NRDE2: variants seen among roughly 807,000 people sequenced by gnomAD.
NRDE2 encodes the protein NRDE-2, necessary for RNA interference, domain containing.
NRDE2 carries 76 observed loss-of-function variants against 124.2 expected under a neutral mutation model. That is an observed-to-expected ratio of 0.61 (90% confidence interval 0.51 to 0.74). NRDE2 has a LOEUF of 0.74. Among genes scored for constraint, NRDE2 ranks in the 30% least tolerant of loss-of-function variants. The pLI, the probability that NRDE2 is intolerant of heterozygous loss-of-function variation, is 0.00. For synonymous variants in NRDE2, 489 were observed against 528.1 expected, an observed-to-expected ratio of 0.93 and a Z score of 1.01; for missense variants, 1,314 against 1,417.3, an observed-to-expected ratio of 0.93 and a Z score of 1.17.
At chr14:90,304,841 G>A (rs1884541757) in intron 4 of NRDE2, among the ~76,000 whole-genome samples, 1 of 152,070 alleles carries the variant, frequency 6.6e-6, no homozygotes, top group Non-Finnish European at 1.5e-5. Flanking sequence ...ATTTTCCTGT[G>A]TCCCTACTTA....
rs202061300 is a variant in NRDE2, at chr14:90,313,769, A to G, written c.408-1226T>C. Reference sequence around the variant, plus strand: ...CAGCTCTGCCCAGGTACAAATAAAGATTTTGGAGGCTTCTTAATTATTCTT... The same window carrying G: ...CAGCTCTGCCCAGGTACAAATAAAGGTTTTGGAGGCTTCTTAATTATTCTT... On this transcript the variant is annotated intron_variant, in intron 3 of 13. Coordinates refer to ENST00000354366, the MANE Select transcript of NRDE2 (RefSeq NM_017970.4). Among the ~76,000 whole-genome samples, 11 of 151,594 alleles carry G rather than the reference A, an allele frequency of 7.3e-5. No homozygotes were observed. In the East Asian group the frequency reaches 2.1e-3, roughly 29 times the overall value.
intron 3 of NRDE2, 146 bp from the exon 4 acceptor site, chr14:90,312,689 C>T: frequency 1.3e-6 from 1 of 750,986 alleles, no homozygotes; most frequent in Non-Finnish European, 2.2e-6. Context: ...TGTACATGTG[C>T]CACAGAGATG....
chr14:90,331,938 G>A lies in NRDE2; in HGVS notation c.-34C>T, dbSNP rs751197886. 3.7e-6 allele frequency: 6 copies of A among 1,612,470 alleles called. No individual in the cohort carries two copies. Among genetic ancestry groups the A allele is most frequent in the African/African-American group, 2.7e-5 (2 of 74,886 alleles). ...GCCGTACCTCCGTTCTTCTCTATAG[G>A]GATGGCGCCGGCGAGCGAGCGCCGG... On this transcript the variant is annotated 5_prime_UTR_variant, in exon 1 of 14. Coordinates refer to ENST00000354366, the MANE Select transcript of NRDE2 (RefSeq NM_017970.4).
chr14:90,280,099 T>A (rs1891911847), intron 12 of NRDE2: 1 of 152,348 alleles, frequency 6.6e-6, no homozygotes, highest in African/African-American at 2.4e-5. Context: ...CACTCCCTTT[T>A]CTATTTGTTT....
chr14:90,287,791 T>C (rs926293475), intron 11 of NRDE2, among the ~76,000 whole-genome samples: 1 of 152,080 alleles, frequency 6.6e-6, no homozygotes, highest in Non-Finnish European at 1.5e-5. Flanking sequence ...TCATTCCCAT[T>C]TGACAGAGAG....
intron 1 of NRDE2, among the ~76,000 whole-genome samples, chr14:90,326,677 T>C (rs920616012): frequency 6.6e-6 from 1 of 152,000 alleles, no homozygotes; most frequent in South Asian, 2.1e-4. Context: ...TGGTTTACAA[T>C]CTCAACGTTA....
In NRDE2 at chr14:90,286,355, A is replaced by G; in HGVS notation, c.3296T>C (p.Leu1099Pro). The change falls in exon 12 of 14, where the codon CTG (leucine) becomes CCG (proline). Residue 1099 changes from leucine to proline, a missense_variant and splice_region_variant. Physicochemically the swap from Leu to Pro is moderately conservative, Grantham distance 98 (BLOSUM62 -3). Transcript: ENST00000354366. ...CAAAACATCTCAATATTTTCTTACCAGAAAGTTCAAATACATCCTCCACAG... is the reference window on the plus strand; with the variant it reads ...CAAAACATCTCAATATTTTCTTACCGGAAAGTTCAAATACATCCTCCACAG... Reference protein sequence around the residue: ...PLLWRMYLNFLVSLGNKERSK... With the variant: ...PLLWRMYLNFPVSLGNKERSK... 6.2e-7 allele frequency: 1 copy of G among 1,612,430 alleles called. No homozygotes were observed. Among genetic ancestry groups the G allele is most frequent in the East Asian group, 2.2e-5 (1 of 44,820 alleles).
At position 90,270,788 on chromosome 14, in the gene NRDE2, T is replaced by C. The variant is rs908727674; in HGVS notation, c.*7548A>G. The stretch of plus-strand genomic sequence containing the variant: ...TTATACTTCTTGGTTTTATGACAAA[T>C]GTACATGAGTTAGGACATTTCCTCC... On this transcript the variant is annotated 3_prime_UTR_variant, in exon 14 of 14. Coordinates refer to ENST00000354366, the MANE Select transcript of NRDE2 (RefSeq NM_017970.4). 6.5e-6 allele frequency: 1 copy of C among 153,608 alleles called. No homozygotes were observed. The highest frequency in any genetic ancestry group is 1.9e-4 in the East Asian group (1 of 5,250). The allele number at this position is 153,608 out of a possible 1,614,324, so 9.5% of individuals were successfully genotyped here.
At chr14:90,315,135 C>G (rs2139704384) in intron 3 of NRDE2, among the ~76,000 whole-genome samples, 1 of 132,298 alleles carries the variant, frequency 7.6e-6, no homozygotes. Context: ...CGAGATCGTG[C>G]CACTGTACTC....
intron 12 of NRDE2, among the ~76,000 whole-genome samples, chr14:90,283,754 G>C (rs1053726426): frequency 1.6e-4 from 24 of 150,056 alleles, no homozygotes; most frequent in Admixed American, 3.3e-4. Context: ...CTGTCGCCCA[G>C]GCTGGAGTAC....
Position 90,270,435 on chromosome 14 carries a change from G to T in NRDE2, c.*7901C>A. 1 of 1,468,668 alleles carries T rather than the reference G, an allele frequency of 6.8e-7. No homozygotes were observed. Among genetic ancestry groups the T allele is most frequent in the Non-Finnish European group, 9.1e-7 (1 of 1,096,932 alleles). The allele number at this position is 1,468,668 out of a possible 1,614,324, so 91.0% of individuals were successfully genotyped here. A position where few individuals can be genotyped will look rare whatever the true frequency, so the allele number is the denominator to read the frequency against. ...GTCTATATGTGCTCTTGGGATGGTG[G>T]TTGGCCTGGACAGGTGGGTGTCTGT... On this transcript the variant is annotated 3_prime_UTR_variant, in exon 14 of 14. Transcript: ENST00000354366.
intron 3 of NRDE2, among the ~76,000 whole-genome samples, chr14:90,314,301 A>G (rs1459163256): frequency 6.6e-6 from 1 of 152,228 alleles, no homozygotes; most frequent in Non-Finnish European, 1.5e-5. Flanking sequence ...GACTCTCACA[A>G]TTCACTAATA....
chr14:90,315,399 T>G (rs1165783936), intron 3 of NRDE2, among the ~76,000 whole-genome samples: 1 of 151,588 alleles, frequency 6.6e-6, no homozygotes, highest in African/African-American at 2.4e-5. Flanking sequence ...TCCTGAAGAG[T>G]TGCAAAAACC....
At position 90,268,334 on chromosome 14, in the gene NRDE2, C is replaced by A. The variant is rs1206778186; in HGVS notation, c.*10002G>T. 2 of 1,613,054 alleles carry A rather than the reference C, an allele frequency of 1.2e-6. No homozygotes were observed. The highest frequency in any genetic ancestry group is 1.7e-6 in the Non-Finnish European group (2 of 1,179,120). ...CCTAGGTGATGGGCCCAAACTCGTA[C>A]GGGAATTGTTCCGAGTTGCTGAAGA... On this transcript the variant is annotated 3_prime_UTR_variant, in exon 14 of 14. Transcript: ENST00000354366.
chr14:90,325,790 G>A (rs1251799509), intron 1 of NRDE2, among the ~76,000 whole-genome samples: 1 of 152,190 alleles, frequency 6.6e-6, no homozygotes, highest in East Asian at 1.9e-4. Flanking sequence ...GCCTCCCAAA[G>A]TGCTGAGATT....
chr14:90,329,994 G>A (rs1333548072), intron 1 of NRDE2, among the ~76,000 whole-genome samples: 1 of 150,956 alleles, frequency 6.6e-6, no homozygotes, highest in African/African-American at 2.4e-5. Flanking sequence ...ATCACTTAAA[G>A]TTAGGAGTTC....
chr14:90,302,633 A>G, intron 6 of NRDE2, 87 bp downstream of exon 6: 1 of 1,325,348 alleles, frequency 7.5e-7, no homozygotes, highest in Non-Finnish European at 1.0e-6. Context: ...TTTTTCTAGA[A>G]TAAATCAAAA....
In NRDE2 at chr14:90,298,374, A is replaced by T; in HGVS notation, c.1552T>A (p.Phe518Ile). The change falls in exon 8 of 14, where the codon TTC becomes ATC. Residue 518 changes from phenylalanine to isoleucine, a missense_variant. Phe to Ile is a conservative substitution (Grantham distance 21). Transcript: ENST00000354366. ...CCACTGTCCCAAAAGGGTTCAAAGA[A>T]TTCCACCTGTTCAGATTTTAGAATG... ...KDLPTKGQVE[F>I]FEPFWDSGEP... 2 of 1,613,832 alleles carry T rather than the reference A, an allele frequency of 1.2e-6. No homozygotes were observed. Among genetic ancestry groups the T allele is most frequent in the South Asian group, 1.1e-5 (1 of 91,082 alleles).
rs1202276070 is a variant in NRDE2, at chr14:90,273,845, CCAG to C, written c.*4488_*4490del. ...CTGACTCGTGGCACTTCATTTTCCA[CCAG>C]CAGCAGCAGGCCCAGTCCCTCTCTC... On this transcript the variant is annotated 3_prime_UTR_variant, in exon 14 of 14. Transcript: ENST00000354366. 2 of 154,954 alleles carry C rather than the reference CCAG, an allele frequency of 1.3e-5. No homozygotes were observed. The highest frequency in any genetic ancestry group is 2.9e-5 in the Non-Finnish European group (2 of 68,336). 9.6% of individuals were successfully genotyped at this position (154,954 alleles called of 1,614,324 possible). A position where few individuals can be genotyped will look rare whatever the true frequency, so the allele number is the denominator to read the frequency against.
Sources: allele counts gnomAD v4.1 joint callset (sites outside exome capture counted in the v4.1 genomes callset), GRCh38; gene constraint gnomAD v4.1.1; transcripts MANE v1.5; gene names NCBI Gene and HGNC (gene_info 2026-07-23, HGNC 2026-07-21).